The following PAPLN variants were observed in gnomAD, a reference collection of about 807,000 sequenced individuals.
The protein encoded by PAPLN is papilin, proteoglycan like sulfated glycoprotein.
PAPLN carries 146 observed loss-of-function variants against 159.0 expected under a neutral mutation model. The observed-to-expected ratio is 0.92, with a 90% CI of 0.80 to 1.05. The LOEUF is 1.05. Ranked by LOEUF, PAPLN falls within the 50% of genes least tolerant of loss-of-function variation. The probability of loss-of-function intolerance (pLI) is 0.00; values close to 1 mark genes in which losing one functional copy is unlikely to be tolerated. For missense variants in PAPLN, 1,720 were observed against 1,743.9 expected (o/e 0.99, Z 0.24); for synonymous variants, 734 against 702.9 (o/e 1.04, Z -0.70).
rs962263387 is a variant in PAPLN at position 73,262,669 on chromosome 14, T to C, written c.2565T>C (p.Gly855=). The change falls in exon 19 of 27, where the codon GGT becomes GGC. Residue 855 remains glycine, a synonymous_variant. Coordinates refer to ENST00000644200, the MANE Select transcript of PAPLN (RefSeq NM_001365906.3). ...TGCAGAGAAAGCCCTGGCCTTCTGG[T>C]GGTCTCTGGCGGCAAGACCAACAGC... ...AAVQRKPWPS[G]GLWRQDQQPG... is the part of the protein sequence containing the mutation. 4.0e-6 allele frequency: 6 copies of C among 1,505,092 alleles called. No individual in the cohort carries two copies. The African/African-American group carries it at 6.9e-5, about 17-fold the overall frequency. The allele number at this position is 1,505,092 out of a possible 1,614,324, so 93.2% of individuals were successfully genotyped here. A position where few individuals can be genotyped will look rare whatever the true frequency, so the allele number is the denominator to read the frequency against.
At chr14:73,247,366 C>G (rs1266160256) in intron 5 of PAPLN, among the ~76,000 whole-genome samples, 1 of 152,236 alleles carries the variant, frequency 6.6e-6, no homozygotes, top group Admixed American at 6.5e-5. Context: ...GACAAGTCTT[C>G]TGAGTGTTCG....
In PAPLN at chr14:73,248,761, G is replaced by A. The variant is rs1333812364; in HGVS notation, c.335-1223G>A. ...CACTTGAGCCCAGGAAGTTGAGGCTGCAGTGAGTCAAGATCACACCACTGC... is the reference window on the plus strand; with the variant it reads ...CACTTGAGCCCAGGAAGTTGAGGCTACAGTGAGTCAAGATCACACCACTGC... On this transcript the variant is annotated intron_variant, in intron 5 of 26. Transcript: ENST00000644200. Among the ~76,000 whole-genome samples, 9 of 152,208 alleles carry A rather than the reference G, an allele frequency of 5.9e-5. No homozygotes were observed. The East Asian group carries it at 1.7e-3, about 29-fold the overall frequency.
intron 19 of PAPLN, 172 bp downstream of exon 19, chr14:73,262,999 T>A (rs1475054376): frequency 1.8e-6 from 1 of 546,238 alleles, no homozygotes; most frequent in Non-Finnish European, 2.9e-6. Context: ...ATGGAGAAGC[T>A]GGGGCTTCAG....
chr14:73,251,445 G>A (rs755586366), intron 7 of PAPLN, 41 bp from the exon 8 acceptor site: 1 of 1,573,650 alleles, frequency 6.4e-7, no homozygotes. Context: ...GCCGGGAGAG[G>A]GATAGCCCAG....
At position 73,261,311 on chromosome 14, in the gene PAPLN, TCTC is replaced by T. The variant is rs1555363879; in HGVS notation, c.2245+23_2245+25del. On this transcript the variant is annotated intron_variant, in intron 18 of 26. Coordinates refer to ENST00000644200, the MANE Select transcript of PAPLN (RefSeq NM_001365906.3). ...CCAGCCATGGTGAGTGGACACCCCC[TCTC>T]CTCCTTCTCGATGGGTAGACTCTGC... is the stretch of plus-strand genomic sequence containing the variant. The T allele has an allele frequency of 3.7e-6, 6 of 1,610,266 alleles. No individual in the cohort carries two copies. The highest frequency in any genetic ancestry group is 1.3e-5 in the African/African-American group (1 of 74,728).
In PAPLN at chr14:73,272,671, A is replaced by G. The variant is rs1887846495; in HGVS notation, c.*7A>G. On this transcript the variant is annotated 3_prime_UTR_variant, in exon 27 of 27. Transcript: ENST00000644200. ...TCAGCCCATCTGGCAGTAGGGATGA[A>G]GGCTAGTTCCAGCCCCAGTCCAAAA... 4 of 1,558,920 alleles carry G rather than the reference A, an allele frequency of 2.6e-6. No homozygotes were observed. In the South Asian group the frequency reaches 3.5e-5, roughly 14 times the overall value.
chr14:73,247,393 C>T (rs1054491275), intron 5 of PAPLN, among the ~76,000 whole-genome samples: 3 of 152,222 alleles, frequency 2.0e-5, no homozygotes, highest in Non-Finnish European at 4.4e-5. Context: ...CTGCTTGCGG[C>T]AAATGACCTC....
intron 18 of PAPLN, 147 bp downstream of exon 18, chr14:73,261,441 G>A (rs1316884367): frequency 2.4e-6 from 3 of 1,236,258 alleles, no homozygotes; most frequent in Non-Finnish European, 3.3e-6. Flanking sequence ...CTAGGTGCCA[G>A]GCCAGAGAGC....
intron 1 of PAPLN, among the ~76,000 whole-genome samples, chr14:73,238,727 A>G (rs984696303): frequency 2.6e-5 from 4 of 152,192 alleles, no homozygotes; most frequent in South Asian, 2.1e-4. Flanking sequence ...TAATGACTCA[A>G]TGACTCACTG....
intron 16 of PAPLN, among the ~76,000 whole-genome samples, chr14:73,259,886 C>T (rs776965646): frequency 2.3e-4 from 35 of 152,232 alleles, no homozygotes; most frequent in Non-Finnish European, 4.3e-4. Flanking sequence ...AAAGGCTAGA[C>T]GAGGGCCAAC....
In PAPLN at chr14:73,265,612, C is replaced by T; in HGVS notation, c.3263+105C>T. The T allele has an allele frequency of 4.7e-6, 7 of 1,493,876 alleles. No individual in the cohort carries two copies. The highest frequency in any genetic ancestry group is 6.3e-6 in the Non-Finnish European group (7 of 1,112,224). The allele number at this position is 1,493,876 out of a possible 1,614,324, so 92.5% of individuals were successfully genotyped here. ...CTGCTAGCGCATGGTCATGGCCAGT[C>T]CTGAGCCGGACTCCAGGGCCTCTTG... On this transcript the variant is annotated intron_variant, in intron 23 of 26. Coordinates refer to ENST00000644200, the MANE Select transcript of PAPLN (RefSeq NM_001365906.3). This position sits in a 1 kb window ranked among gnomAD's most constrained non-coding sequence, Gnocchi z 4.1.
chr14:73,239,838 T>TGC lies in PAPLN; in HGVS notation c.54+8_54+9dup. 1.3e-6 allele frequency: 2 copies of TGC among 1,584,774 alleles called. No homozygotes were observed. The highest frequency in any genetic ancestry group is 1.7e-6 in the Non-Finnish European group (2 of 1,171,596). On this transcript the variant is annotated splice_region_variant and intron_variant, in intron 2 of 26. Transcript: ENST00000644200. ...CTCCAGCGCCCGGGTCCTCGGTGAG[T>TGC]GCGGTCCTGCCCCGGCCCCCGGAGG...
In PAPLN at chr14:73,272,531, G is replaced by A; in HGVS notation, c.3704G>A (p.Cys1235Tyr). 2 of 1,584,550 alleles carry A rather than the reference G, an allele frequency of 1.3e-6. No homozygotes were observed. The highest frequency in any genetic ancestry group is 1.7e-6 in the Non-Finnish European group (2 of 1,156,874). The change falls in exon 27 of 27, where the codon TGC becomes TAC. Residue 1235 changes from cysteine to tyrosine, a missense_variant. By Grantham distance (194) the Cys-to-Tyr change is radical. Transcript: ENST00000644200. ...CAGCCCAGGGACCCTGGCAGGGACT[G>A]CGTCGACCAGCCAGAGCTGGCCAAC... is the stretch of plus-strand genomic sequence containing the variant. ...TAQPRDPGRDCVDQPELANCD... is the reference protein window; with the variant it reads ...TAQPRDPGRDYVDQPELANCD...
intron 16 of PAPLN, among the ~76,000 whole-genome samples, 191 bp downstream of exon 16, chr14:73,259,736 T>G (rs533090935): frequency 6.6e-6 from 1 of 151,970 alleles, no homozygotes; most frequent in African/African-American, 2.4e-5. Context: ...TGTGGCTGAG[T>G]TTCTTGATGT....
In PAPLN at chr14:73,264,579, T is replaced by C; in HGVS notation, c.2987-9T>C. The C allele has an allele frequency of 6.3e-7, 1 of 1,594,542 alleles. No homozygotes were observed. The highest frequency in any genetic ancestry group is 8.5e-7 in the Non-Finnish European group (1 of 1,174,166). On this transcript the variant is annotated splice_polypyrimidine_tract_variant and intron_variant, in intron 21 of 26. Transcript: ENST00000644200. ...AGCTCACACCTTGTTTCTCCTGGCC[T>C]CATGACAGGGGGTGACATGGCCGTG...
In PAPLN at chr14:73,244,640, G is replaced by T. The variant is rs751992779; in HGVS notation, c.55-4G>T. 6 of 1,568,036 alleles carry T rather than the reference G, an allele frequency of 3.8e-6. No individual in the cohort carries two copies. In the Admixed American group the frequency reaches 1.1e-4, roughly 29 times the overall value. The stretch of plus-strand genomic sequence containing the variant: ...ATGCTGATGCATGGTCCTGTCTTCT[G>T]CAGGCTCCCAAGGTGAGGCGGCAGA... On this transcript the variant is annotated splice_region_variant and splice_polypyrimidine_tract_variant and intron_variant, in intron 2 of 26. Transcript: ENST00000644200.
intron 18 of PAPLN, 126 bp from the exon 19 acceptor site, chr14:73,262,224 A>T: frequency 1.0e-6 from 1 of 971,156 alleles, no homozygotes; most frequent in Non-Finnish European, 1.5e-6. Flanking sequence ...AGGCCCCCAG[A>T]CAGGGGTGTA....
intron 20 of PAPLN, 156 bp from the exon 21 acceptor site, chr14:73,264,055 C>G (rs1290730529): frequency 1.3e-6 from 2 of 1,541,100 alleles, no homozygotes; most frequent in East Asian, 2.5e-5. Flanking sequence ...GTGTGTGTGA[C>G]AGCCTCCCCT....
rs200397451 is a variant in PAPLN, at chr14:73,251,863, C to T, written c.843+27C>T. 1.0e-4 allele frequency: 160 copies of T among 1,570,544 alleles called. No individual in the cohort carries two copies. In the African/African-American group the frequency reaches 1.8e-3, roughly 18 times the overall value. ...TAAATGGGGGTGTGGGGAGAGAGGG[C>T]GAGTGGGCAGCTCGTGGTCCCCAAG... On this transcript the variant is annotated intron_variant, in intron 9 of 26. Transcript: ENST00000644200.
Sources: gnomAD v4.1 joint callset for allele counts (sites outside exome capture counted in the v4.1 genomes callset) on GRCh38, gnomAD v4.1.1 for gene constraint, Gnocchi (gnomAD v3.1) non-coding constraint, MANE v1.5 for transcripts, NCBI Gene and HGNC (gene_info 2026-07-23, HGNC 2026-07-21) for gene names.